ZNF516: variants seen among roughly 807,000 people sequenced by gnomAD.
ZNF516 encodes zinc finger protein 516.
A neutral mutation model predicts 79.7 loss-of-function variants in ZNF516; 19 were observed. The observed-to-expected ratio is 0.24, with a 90% CI of 0.17 to 0.35. The LOEUF (loss-of-function observed/expected upper bound fraction) is 0.35, where lower values mean the gene tolerates loss of function less well. Among genes scored for constraint, ZNF516 ranks in the 10% least tolerant of loss-of-function variants. The pLI is 1.00. For missense variants in ZNF516, 1,678 were observed against 1,679.5 expected, an observed-to-expected ratio of 1.00 and a Z score of 0.02; for synonymous variants, 877 against 739.5, an observed-to-expected ratio of 1.19 and a Z score of -3.02.
chr18:76,411,272 C>T (rs754084956), intron 3 of ZNF516, among the ~76,000 whole-genome samples: 5 of 152,190 alleles, frequency 3.3e-5, no homozygotes, highest in Non-Finnish European at 7.3e-5. Flanking sequence ...GTACCTTTCG[C>T]AATACCCCAG....
At chr18:76,378,754 C>T in intron 4 of ZNF516, 101 bp downstream of exon 4, 1 of 1,479,370 alleles carries the variant, frequency 6.8e-7, no homozygotes, top group Non-Finnish European at 9.0e-7. Context: ...TGGCTCTGTC[C>T]TCAGGGACAT....
At chr18:76,478,422 G>A (rs1179573182) in intron 1 of ZNF516, among the ~76,000 whole-genome samples, 1 of 151,868 alleles carries the variant, frequency 6.6e-6, no homozygotes, top group Admixed American at 6.6e-5. Context: ...AAACTAAAAT[G>A]CAGCAAATTA....
At chr18:76,490,690 A>AGATTCGAAACTGCATGGCAGGCTGACGGG (rs1226686237) in intron 1 of ZNF516, 7 of 828,716 alleles carry the variant, frequency 8.4e-6, no homozygotes, top group African/African-American at 1.9e-5. Flanking sequence ...CCTTCAATCA[A>AGATTCGAAACTGCATGGCAGGCTGACGGG]GATTCGAAAC....
In ZNF516 at chr18:76,441,955, G is replaced by A. The variant is rs771052994; in HGVS notation, c.1100C>T (p.Ala367Val). Residue 367 changes from alanine to valine, a missense_variant, in exon 3 of 7, where the codon GCC (alanine) becomes GTC (valine). Physicochemically the swap from Ala to Val is moderately conservative, Grantham distance 64. Coordinates refer to ENST00000443185, the MANE Select transcript of ZNF516 (RefSeq NM_014643.4). ...HRRVEASRTR[A>V]PAEEGAEGPS... ...CCCCTCCGCCCCCTCCTCGGCCGGGGCGCGCGTGCGGCTGGCCTCGACTCT... is the reference window on the plus strand; with the variant it reads ...CCCCTCCGCCCCCTCCTCGGCCGGGACGCGCGTGCGGCTGGCCTCGACTCT... The A allele has an allele frequency of 2.5e-6, 4 of 1,612,096 alleles. No individual in the cohort carries two copies. Among genetic ancestry groups the A allele is most frequent in the Non-Finnish European group, 2.5e-6 (3 of 1,179,570 alleles).
chr18:76,430,994 C>G (rs2145450859), intron 3 of ZNF516, among the ~76,000 whole-genome samples: 1 of 152,276 alleles, frequency 6.6e-6, no homozygotes, highest in South Asian at 2.1e-4. Context: ...TACTTTCTAA[C>G]CTTTAATCCA....
intron 2 of ZNF516, among the ~76,000 whole-genome samples, chr18:76,462,416 G>GAA (rs561938674): frequency 1.2e-3 from 186 of 152,372 alleles, no homozygotes; most frequent in Non-Finnish European, 1.5e-3. Context: ...CTTTAGTTTA[G>GAA]AAACATCGCC....
chr18:76,371,401 GCCACTGA>G (rs1158043607), intron 5 of ZNF516, 59 bp downstream of exon 5: 1 of 1,461,718 alleles, frequency 6.8e-7, no homozygotes, highest in Admixed American at 1.9e-5. Flanking sequence ...GGATGGTCAA[GCCACTGA>G]CAGAAGAGAC....
At chr18:76,412,377 A>G (rs1030499955) in intron 3 of ZNF516, among the ~76,000 whole-genome samples, 7 of 151,924 alleles carry the variant, frequency 4.6e-5, no homozygotes, top group Non-Finnish European at 8.8e-5. Flanking sequence ...TGGGTGGGCC[A>G]CTCCAGCCCA....
Position 76,357,836 on chromosome 18 carries a change from C to T in ZNF516, c.*4662G>A, listed in dbSNP as rs117629222. ...GGTGTGGCTGAGTCAGAATTCCGTC[C>T]GCGTCCATCCCTGTGCGTCCTGTAT... On this transcript the variant is annotated 3_prime_UTR_variant, in exon 7 of 7. Transcript: ENST00000443185. 0.038 allele frequency among the ~76,000 whole-genome samples: 5,737 copies of T among 152,130 alleles called. 146 individuals carry two copies. Among genetic ancestry groups the T allele is most frequent in the South Asian group, 0.077 (369 of 4,816 alleles).
chr18:76,419,405 C>T (rs2145364001), intron 3 of ZNF516, among the ~76,000 whole-genome samples: 1 of 152,328 alleles, frequency 6.6e-6, no homozygotes, highest in Non-Finnish European at 1.5e-5. Flanking sequence ...AGCAGTGATA[C>T]CTTCTTTTTC....
At chr18:76,492,079 C>CGA in intron 1 of ZNF516, 4 of 849,600 alleles carry the variant, frequency 4.7e-6, no homozygotes, top group Non-Finnish European at 5.7e-6. Context: ...TGGACGAGGT[C>CGA]CCTCCCAGGG....
Position 76,379,170 on chromosome 18 carries a change from G to C in ZNF516, c.2944C>G (p.Pro982Ala). ...CCCTTTGCAGGAGGTGGACCCTGAG[G>C]CTGAGCACTGAATTTGGCTTTCAGG... is the stretch of plus-strand genomic sequence containing the variant. ...DSLKAKFSAQPQGPPPAKGEG... is the reference protein window; with the variant it reads ...DSLKAKFSAQAQGPPPAKGEG... Residue 982 changes from proline to alanine, a missense_variant, in exon 4 of 7, where the codon CCT becomes GCT. Physicochemically the swap from Pro to Ala is conservative, Grantham distance 27. This residue lies in a region of ZNF516 where 1,294 missense variants were observed against 1,248.3 expected (regional missense o/e 1.04). Coordinates refer to ENST00000443185, the MANE Select transcript of ZNF516 (RefSeq NM_014643.4). The C allele has an allele frequency of 6.2e-7, 1 of 1,612,922 alleles. No individual in the cohort carries two copies. The highest frequency in any genetic ancestry group is 8.5e-7 in the Non-Finnish European group (1 of 1,179,774).
chr18:76,491,604 T>G, intron 1 of ZNF516: 1 of 267,374 alleles, frequency 3.7e-6, no homozygotes, highest in East Asian at 2.6e-4. Flanking sequence ...CTCCCCGTGC[T>G]TCTCCGCCCC....
chr18:76,374,995 G>A (rs1157938729), intron 4 of ZNF516, among the ~76,000 whole-genome samples: 2 of 152,042 alleles, frequency 1.3e-5, no homozygotes, highest in African/African-American at 2.4e-5. Flanking sequence ...AGAAACAGCT[G>A]AACAGAAACA....
At chr18:76,382,966 G>A (rs981047410) in intron 3 of ZNF516, among the ~76,000 whole-genome samples, 11 of 151,616 alleles carry the variant, frequency 7.3e-5, no homozygotes, top group African/African-American at 2.2e-4. Context: ...AACCCTGGAG[G>A]GGGAGGCTGC....
chr18:76,479,351 C>T (rs1247119515), intron 1 of ZNF516, among the ~76,000 whole-genome samples: 1 of 152,210 alleles, frequency 6.6e-6, no homozygotes, highest in Non-Finnish European at 1.5e-5. Flanking sequence ...AAAGAATAAA[C>T]TCAATCCATC....
In ZNF516 at chr18:76,493,325, G is replaced by A. The variant is rs1468424347; in HGVS notation, c.-272+1819C>T. 1 of 109,314 alleles carries A rather than the reference G, an allele frequency of 9.1e-6. No individual in the cohort carries two copies. The highest frequency in any genetic ancestry group is 1.8e-5 in the Non-Finnish European group (1 of 55,132). The allele number at this position is 109,314 out of a possible 1,614,324, so 6.8% of individuals were successfully genotyped here. On this transcript the variant is annotated intron_variant, in intron 1 of 6. Coordinates refer to ENST00000443185, the MANE Select transcript of ZNF516 (RefSeq NM_014643.4). The surrounding 1 kb of genome is among the most constrained non-coding windows in gnomAD (Gnocchi z 5.2). ...AGAAAGAAGGAGGGGTCATTCCGCG[G>A]GGGGCGGGGGGGGGGGCGGGGGCCG... is the stretch of plus-strand genomic sequence containing the variant.
chr18:76,437,142 G>A (rs1233783704), intron 3 of ZNF516, among the ~76,000 whole-genome samples: 1 of 150,614 alleles, frequency 6.6e-6, no homozygotes, highest in East Asian at 1.9e-4. Context: ...ATTGCTGTCT[G>A]TGTTCTATCA....
At chr18:76,491,231 G>C (rs1488905970) in intron 1 of ZNF516, among the ~76,000 whole-genome samples, 7 of 137,934 alleles carry the variant, frequency 5.1e-5, no homozygotes, top group Admixed American at 4.2e-4. Context: ...CCCCGGCCCG[G>C]AGCCCCGCGC....
Sources: gnomAD v4.1 joint callset for allele counts (sites outside exome capture counted in the v4.1 genomes callset) on GRCh38, gnomAD v4.1.1 for gene constraint, gnomAD v4.1.1 regional missense constraint, Gnocchi (gnomAD v3.1) non-coding constraint, MANE v1.5 for transcripts, NCBI Gene and HGNC (gene_info 2026-07-23, HGNC 2026-07-21) for gene names.